The following TENM3 variants were observed in gnomAD, a reference collection of about 807,000 sequenced individuals.
TENM3 encodes the protein teneurin transmembrane protein 3, also known as teneurin-3.
In TENM3, 63 loss-of-function variants were observed where a neutral mutation model predicts 255.1. The observed-to-expected ratio is 0.25, with a 90% CI of 0.20 to 0.30. The LOEUF (loss-of-function observed/expected upper bound fraction) is 0.30, where lower values mean the gene tolerates loss of function less well. Among genes scored for constraint, TENM3 ranks in the 10% least tolerant of loss-of-function variants. The pLI, the probability that TENM3 is intolerant of heterozygous loss-of-function variation, is 1.00. For synonymous variants in TENM3, 1,306 were observed against 1,322.3 expected, an observed-to-expected ratio of 0.99 and a Z score of 0.27; for missense variants, 2,929 against 3,461.1, an observed-to-expected ratio of 0.85 and a Z score of 3.86.
At chr4:182,753,356 G>A (rs1409504622) in intron 20 of TENM3, 94 bp from the exon 21 acceptor site, 1 of 1,056,412 alleles carries the variant, frequency 9.5e-7, no homozygotes, top group Non-Finnish European at 1.4e-6. Flanking sequence ...TGTTGTCACT[G>A]GGGTTAAATA....
the TENM3 span, among the ~76,000 whole-genome samples, chr4:182,018,795 G>A: frequency 2.6e-5 from 4 of 152,170 alleles, no homozygotes; most frequent in Non-Finnish European, 5.9e-5. Flanking sequence ...AATATTTGCT[G>A]AGTGGTTACC....
Position 182,775,167 on chromosome 4 carries a change from G to C in TENM3, c.5304+14G>C, listed in dbSNP as rs1224492063. On this transcript the variant is annotated intron_variant, in intron 24 of 27. Transcript: ENST00000511685. ...CGCAAGCTCAGGGTACGTACGTGTT[G>C]TGGAGCAGGAGATAGCTGCAGCCCT... 1 of 1,612,062 alleles carries C rather than the reference G, an allele frequency of 6.2e-7. No individual in the cohort carries two copies.
At chr4:181,626,301 GGGACAGGAGCTGA>G in the TENM3 span, among the ~76,000 whole-genome samples, 1 of 152,200 alleles carries the variant, frequency 6.6e-6, no homozygotes, top group African/African-American at 2.4e-5. Flanking sequence ...CCAGATGGGA[GGGACAGGAGCTGA>G]GGACAGGAAG....
At chr4:182,454,791 G>T (rs1000424613) in intron 3 of TENM3, among the ~76,000 whole-genome samples, 1 of 152,170 alleles carries the variant, frequency 6.6e-6, no homozygotes, top group Non-Finnish European at 1.5e-5. Context: ...GTTTGAACAA[G>T]TATTGTTCAA....
intron 19 of TENM3, among the ~76,000 whole-genome samples, 184 bp downstream of exon 19, chr4:182,743,603 T>G (rs1215894605): frequency 1.3e-5 from 2 of 152,168 alleles, no homozygotes; most frequent in African/African-American, 2.4e-5. Flanking sequence ...AATTGTCCCA[T>G]AAGTGTATTA....
the TENM3 span, among the ~76,000 whole-genome samples, chr4:181,664,337 G>A: frequency 1.6e-4 from 24 of 152,062 alleles, no homozygotes; most frequent in Admixed American, 1.2e-3. Flanking sequence ...GGGTGTCGTG[G>A]TGGTCACCTG....
the TENM3 span, among the ~76,000 whole-genome samples, chr4:182,001,480 T>C: frequency 6.6e-6 from 1 of 152,060 alleles, no homozygotes; most frequent in East Asian, 1.9e-4. Flanking sequence ...ACTGTTACTG[T>C]TCGGTAACTA....
intron 3 of TENM3, among the ~76,000 whole-genome samples, chr4:182,487,404 A>G (rs1734864687): frequency 6.6e-6 from 1 of 151,868 alleles, no homozygotes; most frequent in African/African-American, 2.4e-5. Context: ...ATTACAAATT[A>G]AAATTTTTGA....
chr4:182,250,037 T>TTTTTC (rs1442961454), intron 1 of TENM3, among the ~76,000 whole-genome samples: 1 of 151,440 alleles, frequency 6.6e-6, no homozygotes, highest in African/African-American at 2.4e-5. Flanking sequence ...GTCATTTTTC[T>TTTTTC]TTTTCTTTTC....
At chr4:182,105,775 A>C in the TENM3 span, among the ~76,000 whole-genome samples, 2 of 152,162 alleles carry the variant, frequency 1.3e-5, no homozygotes, top group Non-Finnish European at 2.9e-5. Context: ...CACATGATTG[A>C]TCTCTGTATC....
the TENM3 span, among the ~76,000 whole-genome samples, chr4:181,848,432 G>A: frequency 2.6e-5 from 4 of 152,116 alleles, no homozygotes; most frequent in African/African-American, 7.2e-5. Context: ...AAATGTCCAC[G>A]TTGTTATTTT....
At chr4:182,611,982 T>C (rs529931032) in intron 4 of TENM3, among the ~76,000 whole-genome samples, 2 of 152,198 alleles carry the variant, frequency 1.3e-5, no homozygotes, top group East Asian at 3.9e-4. Context: ...AAAAAAGATT[T>C]TCAGGCCAGG....
the TENM3 span, among the ~76,000 whole-genome samples, chr4:182,004,120 G>C: frequency 3.3e-4 from 50 of 151,612 alleles, no homozygotes; most frequent in Non-Finnish European, 5.7e-4. Flanking sequence ...AAACAAAACA[G>C]GATATATGTA....
chr4:182,568,220 C>T (rs1365972347), intron 3 of TENM3, among the ~76,000 whole-genome samples: 2 of 152,298 alleles, frequency 1.3e-5, no homozygotes, highest in Admixed American at 6.5e-5. Flanking sequence ...TGGCTTATTA[C>T]AGCATTCTGC....
chr4:181,894,964 G>A, the TENM3 span, among the ~76,000 whole-genome samples: 7 of 151,998 alleles, frequency 4.6e-5, no homozygotes, highest in East Asian at 3.9e-4. Flanking sequence ...GTACAATTCC[G>A]TTGTCAACTT....
At chr4:181,483,398 T>A in the TENM3 span, among the ~76,000 whole-genome samples, 1 of 152,068 alleles carries the variant, frequency 6.6e-6, no homozygotes, top group Non-Finnish European at 1.5e-5. Flanking sequence ...CAGAAAAAAA[T>A]CGTAGTCATT....
At chr4:181,721,338 C>T in the TENM3 span, among the ~76,000 whole-genome samples, 4 of 151,580 alleles carry the variant, frequency 2.6e-5, no homozygotes, top group African/African-American at 9.7e-5. Context: ...GCCCCTACCT[C>T]CACATGATCA....
the TENM3 span, among the ~76,000 whole-genome samples, chr4:181,733,885 A>G: frequency 6.6e-6 from 1 of 152,218 alleles, no homozygotes; most frequent in East Asian, 1.9e-4. Flanking sequence ...TGCAAAATCC[A>G]TTAAACACTA....
At chr4:182,610,300 T>C (rs1748870388) in intron 4 of TENM3, among the ~76,000 whole-genome samples, 2 of 151,464 alleles carry the variant, frequency 1.3e-5, no homozygotes, top group Admixed American at 6.6e-5. Flanking sequence ...TGTACCAGTA[T>C]GAAAAACTCA....
Sources: allele counts gnomAD v4.1 joint callset (sites outside exome capture counted in the v4.1 genomes callset), GRCh38; gene constraint gnomAD v4.1.1; transcripts MANE v1.5; gene names NCBI Gene and HGNC (gene_info 2026-07-23, HGNC 2026-07-21).